TMEM87B: variants seen among roughly 807,000 people sequenced by gnomAD.
TMEM87B encodes transmembrane protein 87B.
TMEM87B carries 83 observed loss-of-function variants against 80.3 expected under a neutral mutation model. The ratio of observed to expected loss-of-function variants is 1.03; its 90% CI spans 0.87 to 1.24. The LOEUF (loss-of-function observed/expected upper bound fraction) is 1.24, where lower values mean the gene tolerates loss of function less well. Ranked by LOEUF, TMEM87B falls within the 50% of genes most tolerant of loss-of-function variation. TMEM87B has a pLI of 0.00. For missense variants in TMEM87B, 625 were observed against 674.4 expected, an observed-to-expected ratio of 0.93 and a Z score of 0.81; for synonymous variants, 219 against 230.5, an observed-to-expected ratio of 0.95 and a Z score of 0.45.
In TMEM87B at chr2:112,074,943, C is replaced by A; in HGVS notation, c.482C>A (p.Ser161Ter). 1.9e-6 allele frequency: 3 copies of A among 1,571,170 alleles called. No individual in the cohort carries two copies. The South Asian group carries it at 3.4e-5, about 18-fold the overall frequency. The change falls in exon 5 of 19, where the codon TCA becomes TAA. Residue 161 changes from serine to a stop codon, truncating the protein, a stop_gained. Transcript: ENST00000283206. LOFTEE classifies it high-confidence loss of function. ...GAACTAATAAATATCAGAAATGTTT[C>A]AAACCAGGAAAGATCAATGGTAAGC... is the stretch of plus-strand genomic sequence containing the variant. ...NKELINIRNVSNQERSMDVVA... is the reference protein window; with the variant it reads ...NKELINIRNV
intron 16 of TMEM87B, among the ~76,000 whole-genome samples, chr2:112,106,801 A>G (rs1440630256): frequency 6.6e-6 from 1 of 152,200 alleles, no homozygotes; most frequent in Non-Finnish European, 1.5e-5. Flanking sequence ...ACGATAGATA[A>G]TATGTGAAGA....
intron 8 of TMEM87B, among the ~76,000 whole-genome samples, chr2:112,083,947 G>A (rs1327494214): frequency 6.6e-6 from 1 of 152,222 alleles, no homozygotes; most frequent in African/African-American, 2.4e-5. Flanking sequence ...GAGTTGACAT[G>A]CTGAATAGAA....
intron 4 of TMEM87B, among the ~76,000 whole-genome samples, chr2:112,069,556 C>T (rs1347620158): frequency 6.6e-6 from 1 of 152,194 alleles, no homozygotes; most frequent in Non-Finnish European, 1.5e-5. Context: ...TTTTCTTTAT[C>T]CAGTCTACCA....
intron 2 of TMEM87B, among the ~76,000 whole-genome samples, chr2:112,062,526 C>T (rs1678288662): frequency 6.6e-6 from 1 of 152,228 alleles, no homozygotes; most frequent in African/African-American, 2.4e-5. Context: ...AAACATCATA[C>T]TGTCAGTTCT....
intron 15 of TMEM87B, among the ~76,000 whole-genome samples, chr2:112,104,129 ATTC>A (rs1023276021): frequency 1.3e-5 from 2 of 152,228 alleles, no homozygotes; most frequent in Admixed American, 6.5e-5. Flanking sequence ...TTCAACTGTT[ATTC>A]TTCTAGAAGA....
intron 13 of TMEM87B, among the ~76,000 whole-genome samples, chr2:112,097,935 A>T (rs1469541081): frequency 6.6e-6 from 1 of 151,270 alleles, no homozygotes; most frequent in African/African-American, 2.4e-5. Context: ...TAAGACTGGC[A>T]TGTTTCTAGG....
chr2:112,075,576 ATTAAGGATT>A (rs1219827662), intron 5 of TMEM87B, among the ~76,000 whole-genome samples: 4 of 152,300 alleles, frequency 2.6e-5, no homozygotes, highest in African/African-American at 9.6e-5. Context: ...TGTGCGTGTC[ATTAAGGATT>A]TAAAGAAATA....
intron 11 of TMEM87B, among the ~76,000 whole-genome samples, chr2:112,095,870 A>AAAAT (rs1247947001): frequency 2.0e-5 from 3 of 152,176 alleles, no homozygotes; most frequent in Admixed American, 6.5e-5. Flanking sequence ...TTCTCATTTA[A>AAAAT]GAGCAGAGAG....
At chr2:112,093,352 T>G (rs1181259014) in intron 11 of TMEM87B, among the ~76,000 whole-genome samples, 1 of 152,220 alleles carries the variant, frequency 6.6e-6, no homozygotes, top group Non-Finnish European at 1.5e-5. Context: ...TTCTTAACCT[T>G]GTTTGGGTAC....
intron 9 of TMEM87B, among the ~76,000 whole-genome samples, 198 bp from the exon 10 acceptor site, chr2:112,089,427 A>G (rs916392600): frequency 6.6e-6 from 1 of 152,260 alleles, no homozygotes; most frequent in Non-Finnish European, 1.5e-5. Flanking sequence ...AGGCATCAGT[A>G]TAGCTTCAGG....
chr2:112,115,365 C>G (rs1679994298), intron 18 of TMEM87B, among the ~76,000 whole-genome samples: 2 of 101,314 alleles, frequency 2.0e-5, no homozygotes, highest in Non-Finnish European at 3.8e-5. Flanking sequence ...CAGAAAGATT[C>G]ATAACTACAG....
chr2:112,110,738 C>G (rs10204243), intron 17 of TMEM87B, among the ~76,000 whole-genome samples: 3,375 of 152,174 alleles, frequency 0.022, 34 homozygotes, highest in African/African-American at 0.028. Flanking sequence ...CACCGCCCCC[C>G]CCAACTTTTT....
At chr2:112,103,789 A>G (rs1310696809) in intron 15 of TMEM87B, among the ~76,000 whole-genome samples, 1 of 152,238 alleles carries the variant, frequency 6.6e-6, no homozygotes, top group Non-Finnish European at 1.5e-5. Context: ...TCAATATGGT[A>G]TGCGAATTAT....
intron 14 of TMEM87B, among the ~76,000 whole-genome samples, chr2:112,099,557 C>T (rs11682255): frequency 0.13 from 5,184 of 40,652 alleles, 102 homozygotes; most frequent in East Asian, 0.37. Context: ...TATATATATA[C>T]ACACACACAC....
In TMEM87B at chr2:112,081,529, A is replaced by G. The variant is rs781388701; in HGVS notation, c.838+11A>G. The G allele has an allele frequency of 1.9e-6, 3 of 1,597,032 alleles. No individual in the cohort carries two copies. Among genetic ancestry groups the G allele is most frequent in the Non-Finnish European group, 2.6e-6 (3 of 1,174,114 alleles). On this transcript the variant is annotated intron_variant, in intron 8 of 18. Transcript: ENST00000283206. ...ACACTGGACTGTCAAGTAAGTTTTG[A>G]CTGTCTCTGTAAATATAGTATGATC...
At chr2:112,098,475 T>A (rs746362757) in intron 13 of TMEM87B, 120 bp from the exon 14 acceptor site, 1 of 850,570 alleles carries the variant, frequency 1.2e-6, no homozygotes, top group Non-Finnish European at 1.9e-6. Flanking sequence ...GCTTGTTTAT[T>A]TGGAAGACTT....
rs2104474448 is a variant in TMEM87B, at chr2:112,080,213, GCT to G, written c.593-843_593-842del. Among the ~76,000 whole-genome samples the G allele has an allele frequency of 1.3e-5, 2 of 151,296 alleles. 1 individual carries two copies. The highest frequency in any genetic ancestry group is 4.2e-4 in the South Asian group (2 of 4,756). On this transcript the variant is annotated intron_variant, in intron 6 of 18. Transcript: ENST00000283206. The stretch of plus-strand genomic sequence containing the variant: ...CAAAGTGCTGGGATTACAGGTGTGA[GCT>G]GTAACGCCCAGCCCCTTGCCCATTC...
chr2:112,079,350 T>A (rs1323642470), intron 6 of TMEM87B, among the ~76,000 whole-genome samples: 2 of 152,226 alleles, frequency 1.3e-5, no homozygotes, highest in Non-Finnish European at 2.9e-5. Context: ...CACATATAAG[T>A]GAAAATGTGC....
At chr2:112,060,074 G>A (rs771314508) in intron 2 of TMEM87B, 37 bp downstream of exon 2, 44 of 1,480,260 alleles carry the variant, frequency 3.0e-5, no homozygotes, top group East Asian at 2.0e-4. Flanking sequence ...TAGACTGGGC[G>A]CAATGGCTCA....
Sources: allele counts gnomAD v4.1 joint callset (sites outside exome capture counted in the v4.1 genomes callset), GRCh38; gene constraint gnomAD v4.1.1; transcripts MANE v1.5; gene names NCBI Gene and HGNC (gene_info 2026-07-23, HGNC 2026-07-21).